Variants in AGO1 observed in about 807,000 individuals in gnomAD.
AGO1 encodes argonaute RISC component 1, also known as protein argonaute-1.
In AGO1, 11 loss-of-function variants were observed where a neutral mutation model predicts 109.2. The observed-to-expected ratio is 0.10, with a 90% CI of 0.06 to 0.17. The LOEUF is 0.17. Among genes scored for constraint, AGO1 ranks in the 10% least tolerant of loss-of-function variants. The probability of loss-of-function intolerance (pLI) is 1.00; values close to 1 mark genes in which losing one functional copy is unlikely to be tolerated. For synonymous variants in AGO1, 422 were observed against 418.6 expected (o/e 1.01, Z -0.10); for missense variants, 574 against 1,140.3 (o/e 0.50, Z 7.15).
Position 35,883,500 on chromosome 1 carries a change from G to T in AGO1, c.25+54G>T, listed in dbSNP as rs553099970. 364 of 1,486,996 alleles carry T rather than the reference G, an allele frequency of 2.4e-4. 1 individual carries two copies. Among genetic ancestry groups the T allele is most frequent in the Middle Eastern group, 1.8e-3 (10 of 5,642 alleles). The allele number at this position is 1,486,996 out of a possible 1,614,324, so 92.1% of individuals were successfully genotyped here. ...CATGCTCCAAGGACTGGGGGATCCC[G>T]CATGAAAAGCGTGGTTTCCAAGTGA... On this transcript the variant is annotated intron_variant, in intron 1 of 18. Coordinates refer to ENST00000373204, the MANE Select transcript of AGO1 (RefSeq NM_012199.5). This position sits in a 1 kb window ranked among gnomAD's most constrained non-coding sequence, Gnocchi z 5.4.
chr1:35,888,431 G>A lies in AGO1; in HGVS notation c.30G>A (p.Ala10=), dbSNP rs972036410. The change falls in exon 2 of 19, where the codon GCG becomes GCA. Residue 10 remains alanine (A), a synonymous_variant. Transcript: ENST00000373204. This position sits in a 1 kb window ranked among gnomAD's most constrained non-coding sequence, Gnocchi z 4.1. ...ACCAGCCTCTTTGTCTTGTAGCTGC[G>A]GGCGCTTACCTGCCCCCCCTGCAGC... MEAGPSGAA[A]GAYLPPLQQV... is the part of the protein sequence containing the mutation. 20 of 1,613,756 alleles carry A rather than the reference G, an allele frequency of 1.2e-5. No homozygotes were observed. Among genetic ancestry groups the A allele is most frequent in the Admixed American group, 5.0e-5 (3 of 59,968 alleles).
chr1:35,883,531 G>T lies in AGO1; in HGVS notation c.25+85G>T. 1 of 1,452,712 alleles carries T rather than the reference G, an allele frequency of 6.9e-7. No homozygotes were observed. Among genetic ancestry groups the T allele is most frequent in the Non-Finnish European group, 9.1e-7 (1 of 1,103,264 alleles). The allele number at this position is 1,452,712 out of a possible 1,614,324, so 90.0% of individuals were successfully genotyped here. ...AAAGCGTGGTTTCCAAGTGATGGAA[G>T]CGCTCCTGAGTGAGGAGAAGGGCTC... is the stretch of plus-strand genomic sequence containing the variant. On this transcript the variant is annotated intron_variant, in intron 1 of 18. Coordinates refer to ENST00000373204, the MANE Select transcript of AGO1 (RefSeq NM_012199.5). This position sits in a 1 kb window ranked among gnomAD's most constrained non-coding sequence, Gnocchi z 5.4.
chr1:35,904,336 A>C (rs1235395468), intron 11 of AGO1, among the ~76,000 whole-genome samples: 1 of 151,934 alleles, frequency 6.6e-6, no homozygotes, highest in Non-Finnish European at 1.5e-5. Context: ...CGATCTCCTG[A>C]CCTCATGATC....
intron 1 of AGO1, among the ~76,000 whole-genome samples, chr1:35,886,464 A>G (rs1056064053): frequency 8.5e-5 from 13 of 152,074 alleles, no homozygotes; most frequent in African/African-American, 2.4e-4. Flanking sequence ...CTCTAAGGCT[A>G]TGTGTGGTAT....
At chr1:35,898,034 C>T (rs1328387320) in intron 8 of AGO1, among the ~76,000 whole-genome samples, 1 of 152,090 alleles carries the variant, frequency 6.6e-6, no homozygotes, top group East Asian at 1.9e-4. Flanking sequence ...TGGCTTCTGT[C>T]ATTTAGCATA....
At chr1:35,891,929 G>A (rs1340411326) in intron 2 of AGO1, among the ~76,000 whole-genome samples, 1 of 151,922 alleles carries the variant, frequency 6.6e-6, no homozygotes, top group African/African-American at 2.4e-5. Context: ...CCAGGCCGGA[G>A]TGCAGTGGTG....
At chr1:35,873,399 G>T in intron 1 of AGO1, 1 of 154,094 alleles carries the variant, frequency 6.5e-6, no homozygotes. Flanking sequence ...TCTTCTTAAT[G>T]GGCTGTATTG....
intron 1 of AGO1, among the ~76,000 whole-genome samples, chr1:35,886,343 G>A (rs2148707679): frequency 6.6e-6 from 1 of 152,274 alleles, no homozygotes; most frequent in South Asian, 2.1e-4. Context: ...AGGCTTTCAG[G>A]GGGATGTAAT....
rs376942107 is a variant in AGO1, at chr1:35,893,307, C to T, written c.512+29C>T. On this transcript the variant is annotated intron_variant, in intron 4 of 18. Coordinates refer to ENST00000373204, the MANE Select transcript of AGO1 (RefSeq NM_012199.5). This position sits in a 1 kb window ranked among gnomAD's most constrained non-coding sequence, Gnocchi z 5.6. The stretch of plus-strand genomic sequence containing the variant: ...TTGGGTGTAGTTAGTATCTGGGCTA[C>T]TAGTGTTGGCAGAACTGCTGTCAGG... 6.3e-7 allele frequency: 1 copy of T among 1,598,004 alleles called. No homozygotes were observed. The highest frequency in any genetic ancestry group is 1.3e-5 in the African/African-American group (1 of 74,480).
chr1:35,883,041 C>T (rs1038154419), upstream of AGO1, among the ~76,000 whole-genome samples: 3 of 152,202 alleles, frequency 2.0e-5, no homozygotes, highest in Non-Finnish European at 4.4e-5. The surrounding 1 kb of genome is among the most constrained non-coding windows in gnomAD (Gnocchi z 5.4). Flanking sequence ...TTCCAAGGCA[C>T]CTCTACTGGC....
At chr1:35,884,237 T>C (rs1040162048) in intron 1 of AGO1, among the ~76,000 whole-genome samples, 3 of 152,150 alleles carry the variant, frequency 2.0e-5, no homozygotes, top group Non-Finnish European at 4.4e-5. Context: ...CACAGTTTGC[T>C]AAGAATGGGT....
intron 8 of AGO1, among the ~76,000 whole-genome samples, chr1:35,898,702 G>T (rs1645364353): frequency 6.6e-6 from 1 of 152,150 alleles, no homozygotes; most frequent in South Asian, 2.1e-4. Flanking sequence ...AAAATTTTAA[G>T]TAGAAGAACA....
chr1:35,905,238 A>G (rs1241988041), intron 11 of AGO1, among the ~76,000 whole-genome samples: 1 of 152,218 alleles, frequency 6.6e-6, no homozygotes, highest in African/African-American at 2.4e-5. Flanking sequence ...GCAGTTGTAT[A>G]CAGGGCAGAG....
At chr1:35,903,241 C>T (rs1241954473) in intron 11 of AGO1, among the ~76,000 whole-genome samples, 4 of 151,366 alleles carry the variant, frequency 2.6e-5, no homozygotes, top group African/African-American at 7.3e-5. Context: ...TTCCTGACCT[C>T]GTGATCCTCC....
In AGO1 at chr1:35,883,595, A is replaced by C; in HGVS notation, c.25+149A>C. The C allele has an allele frequency of 2.4e-6, 3 of 1,263,754 alleles. No homozygotes were observed. In the Admixed American group the frequency reaches 1.2e-4, roughly 51 times the overall value. 78.3% of individuals were successfully genotyped at this position (1,263,754 alleles called of 1,614,324 possible). ...GCCCAGTTTGAAGGAGGCTGTGTGC[A>C]GTTCCGGGGGAGAACCATGTGAAGA... On this transcript the variant is annotated intron_variant, in intron 1 of 18. Coordinates refer to ENST00000373204, the MANE Select transcript of AGO1 (RefSeq NM_012199.5). The surrounding 1 kb of genome is among the most constrained non-coding windows in gnomAD (Gnocchi z 5.4).
Position 35,888,677 on chromosome 1 carries a change from T to A in AGO1, c.209+67T>A. 1.9e-6 allele frequency: 3 copies of A among 1,567,896 alleles called. No individual in the cohort carries two copies. Among genetic ancestry groups the A allele is most frequent in the Admixed American group, 3.6e-5 (2 of 54,820 alleles). On this transcript the variant is annotated intron_variant, in intron 2 of 18. Coordinates refer to ENST00000373204, the MANE Select transcript of AGO1 (RefSeq NM_012199.5). This position sits in a 1 kb window ranked among gnomAD's most constrained non-coding sequence, Gnocchi z 4.1. ...AACCTTGAAAGAGGGGCCAGAAAGG[T>A]AAAAGAAAAACCAGTAGAGGGTAGT...
In AGO1 at chr1:35,909,280, T is replaced by G. The variant is rs528594571; in HGVS notation, c.1582+2161T>G. ...TGCACTGTTCACTTGCCACTCATACTGGAATGATTGCTGGTTCTGGAATTG... is the reference window on the plus strand; with the variant it reads ...TGCACTGTTCACTTGCCACTCATACGGGAATGATTGCTGGTTCTGGAATTG... On this transcript the variant is annotated intron_variant, in intron 12 of 18. Coordinates refer to ENST00000373204, the MANE Select transcript of AGO1 (RefSeq NM_012199.5). 6.8e-3 allele frequency among the ~76,000 whole-genome samples: 1,039 copies of G among 152,374 alleles called. 9 individuals carry two copies. Among genetic ancestry groups the G allele is most frequent in the African/African-American group, 0.022 (909 of 41,594 alleles).
At position 35,916,385 on chromosome 1, in the gene AGO1, G is replaced by C. The variant is rs146353204; in HGVS notation, c.2028+843G>C. On this transcript the variant is annotated intron_variant, in intron 15 of 18. Transcript: ENST00000373204. The stretch of plus-strand genomic sequence containing the variant: ...CCAGTTTCTTTTTTTCTTTTTTTTG[G>C]GGGGAACAGAGTCTCGCTCTTGCCC... 2.3e-4 allele frequency among the ~76,000 whole-genome samples: 35 copies of C among 151,462 alleles called. No individual in the cohort carries two copies. In the East Asian group the frequency reaches 5.4e-3, roughly 24 times the overall value.
rs1645909760 is a variant in AGO1 at position 35,925,483 on chromosome 1, C to G, written c.*5876C>G. On this transcript the variant is annotated 3_prime_UTR_variant, in exon 19 of 19. Coordinates refer to ENST00000373204, the MANE Select transcript of AGO1 (RefSeq NM_012199.5). ...TATATTTATTTCCATAATTTGTCTTCTTTAGAGCCTATGAACTCCTAGGAG... is the reference window on the plus strand; with the variant it reads ...TATATTTATTTCCATAATTTGTCTTGTTTAGAGCCTATGAACTCCTAGGAG... 1 of 149,870 alleles carries G rather than the reference C, an allele frequency of 6.7e-6. No individual in the cohort carries two copies. Among genetic ancestry groups the G allele is most frequent in the Non-Finnish European group, 1.5e-5 (1 of 67,652 alleles). The allele number at this position is 149,870 out of a possible 1,614,324, so 9.3% of individuals were successfully genotyped here.
Sources: allele counts gnomAD v4.1 joint callset (sites outside exome capture counted in the v4.1 genomes callset), GRCh38; gene constraint gnomAD v4.1.1; non-coding constraint Gnocchi (gnomAD v3.1); transcripts MANE v1.5; gene names NCBI Gene and HGNC (gene_info 2026-07-23, HGNC 2026-07-21).